The following JCAD variants were observed in gnomAD, a reference collection of about 807,000 sequenced individuals.
The protein encoded by JCAD is junctional cadherin 5 associated.
Under a neutral mutation model 98.0 loss-of-function variants are expected in JCAD, and 40 were observed. The ratio of observed to expected loss-of-function variants is 0.41; its 90% confidence interval spans 0.32 to 0.53. The LOEUF (loss-of-function observed/expected upper bound fraction) is 0.53, where lower values mean the gene tolerates loss of function less well. Among genes scored for constraint, JCAD ranks in the 20% least tolerant of loss-of-function variants. The pLI, the probability that JCAD is intolerant of heterozygous loss-of-function variation, is 0.31. For synonymous variants in JCAD, 691 were observed against 682.3 expected, an observed-to-expected ratio of 1.01 and a Z score of -0.20; for missense variants, 1,705 against 1,738.1, an observed-to-expected ratio of 0.98 and a Z score of 0.34.
At chr10:30,024,567 C>A in intron 3 of JCAD, among the ~76,000 whole-genome samples, 1 of 152,084 alleles carries the variant, frequency 6.6e-6, no homozygotes, top group East Asian at 1.9e-4. Context: ...GAGGATCCAA[C>A]GGGGCCCCGA....
chr10:30,072,881 T>C (rs1837917944), intron 1 of JCAD, among the ~76,000 whole-genome samples: 1 of 152,152 alleles, frequency 6.6e-6, no homozygotes, highest in Non-Finnish European at 1.5e-5. Context: ...CAAACTCCTG[T>C]GCCACCTCGG....
At chr10:30,024,900 T>C (rs535585945) in intron 3 of JCAD, among the ~76,000 whole-genome samples, 1 of 152,034 alleles carries the variant, frequency 6.6e-6, no homozygotes, top group East Asian at 2.0e-4. Context: ...TTTCACCGGG[T>C]TAGCCAGGAT....
At chr10:30,112,890 A>T (rs1838730626) in intron 1 of JCAD, among the ~76,000 whole-genome samples, 1 of 150,074 alleles carries the variant, frequency 6.7e-6, no homozygotes, top group African/African-American at 2.5e-5. Context: ...AAAAAAAAAA[A>T]TCCATAGAGA....
In JCAD at chr10:30,034,222, C is replaced by CAATAATAATAAT. The variant is rs71023540; in HGVS notation, c.282-4368_282-4357dup. Reference sequence around the variant, plus strand: ...TGGGCGACAGAGCAAGACTCCATCTCAATAATAATAATAATAATAATAATA... The same window carrying CAATAATAATAAT: ...TGGGCGACAGAGCAAGACTCCATCTCAATAATAATAATAATAATAATAATAATAATAATAATA... On this transcript the variant is annotated intron_variant, in intron 2 of 3. Coordinates refer to ENST00000375377, the MANE Select transcript of JCAD (RefSeq NM_020848.4). Among the ~76,000 whole-genome samples, 1,123 of 149,318 alleles carry CAATAATAATAAT rather than the reference C, an allele frequency of 7.5e-3. 13 individuals are homozygous for CAATAATAATAAT. Among genetic ancestry groups the CAATAATAATAAT allele is most frequent in the African/African-American group, 0.026 (1,044 of 40,262 alleles).
At chr10:30,053,934 C>T (rs571314928) in intron 1 of JCAD, among the ~76,000 whole-genome samples, 15 of 152,150 alleles carry the variant, frequency 9.9e-5, no homozygotes, top group Admixed American at 5.9e-4. Flanking sequence ...TAGTGGCATG[C>T]GCCTGTAGTC....
intron 1 of JCAD, among the ~76,000 whole-genome samples, chr10:30,048,537 C>T (rs535045041): frequency 6.6e-6 from 1 of 152,212 alleles, no homozygotes; most frequent in Non-Finnish European, 1.5e-5. Context: ...CAATTCACTA[C>T]ACAAGCCCAG....
At chr10:30,069,319 C>T (rs983184963) in intron 2 of JCAD, among the ~76,000 whole-genome samples, 2 of 151,828 alleles carry the variant, frequency 1.3e-5, no homozygotes, top group African/African-American at 4.8e-5. Context: ...CCAGAATGGC[C>T]AGGCACAGTG....
In JCAD at chr10:30,071,816, A is replaced by G. The variant is rs552927727; in HGVS notation, n.129-1995T>C. On this transcript the variant is annotated intron_variant and non_coding_transcript_variant, in intron 1 of 2. Coordinates refer to the JCAD transcript ENST00000465712. Reference sequence around the variant, plus strand: ...TAAAAGTTAAAAGACAAGTTTTTACATGCAGATTTGAAACACTAACTACAT... The same window carrying G: ...TAAAAGTTAAAAGACAAGTTTTTACGTGCAGATTTGAAACACTAACTACAT... 3.2e-3 allele frequency among the ~76,000 whole-genome samples: 482 copies of G among 152,290 alleles called. 6 individuals are homozygous for G. Among genetic ancestry groups the G allele is most frequent in the African/African-American group, 0.011 (458 of 41,564 alleles).
At chr10:30,068,777 G>A (rs1837830721) in intron 2 of JCAD, among the ~76,000 whole-genome samples, 1 of 152,172 alleles carries the variant, frequency 6.6e-6, no homozygotes, top group African/African-American at 2.4e-5. Context: ...TCCCAGCCCT[G>A]AATCAACCCA....
chr10:30,060,574 C>A (rs1348478641), upstream of JCAD, among the ~76,000 whole-genome samples: 1 of 152,214 alleles, frequency 6.6e-6, no homozygotes, highest in Admixed American at 6.5e-5. Context: ...TCCACCCAGA[C>A]AAAACATGGA....
intron 2 of JCAD, among the ~76,000 whole-genome samples, chr10:30,036,465 A>G (rs908058558): frequency 1.3e-5 from 2 of 149,012 alleles, no homozygotes; most frequent in Admixed American, 1.3e-4. Context: ...AAAAAAAAAC[A>G]AAAAAAATGC....
intron 1 of JCAD, among the ~76,000 whole-genome samples, chr10:30,100,057 C>T (rs556700696): frequency 6.6e-6 from 1 of 152,214 alleles, no homozygotes; most frequent in African/African-American, 2.4e-5. Flanking sequence ...GGGAAGGACA[C>T]AGCAGCAGGG....
At position 30,027,567 on chromosome 10, in the gene JCAD, C is replaced by T; in HGVS notation, c.2581G>A (p.Glu861Lys). 3 of 1,613,964 alleles carry T rather than the reference C, an allele frequency of 1.9e-6. No individual in the cohort carries two copies. Among genetic ancestry groups the T allele is most frequent in the Non-Finnish European group, 2.5e-6 (3 of 1,179,966 alleles). ...SSSSSSSSSE[E>K]SEAEPQQENR... ...TCCTGCTGCGGCTCCGCCTCACTCT[C>T]CTCACTGCTGCTGCTGCTGCTGCTG... Residue 861 changes from glutamate to lysine, a missense_variant, in exon 3 of 4, where the codon GAG (glutamate) becomes AAG (lysine). Glu to Lys is a moderately conservative substitution (Grantham distance 56). This residue lies in a region of JCAD where 1,278 missense variants were observed against 1,243.1 expected (regional missense o/e 1.03). Transcript: ENST00000375377.
chr10:30,113,512 C>T (rs1588663674), intron 1 of JCAD, among the ~76,000 whole-genome samples: 1 of 134,668 alleles, frequency 7.4e-6, no homozygotes, highest in East Asian at 2.4e-4. Flanking sequence ...GATCGTGCCA[C>T]TGCACTCCAG....
chr10:30,047,174 C>T (rs1462588748), intron 2 of JCAD, among the ~76,000 whole-genome samples: 1 of 151,994 alleles, frequency 6.6e-6, no homozygotes, highest in Non-Finnish European at 1.5e-5. Context: ...GAGTTCGAGA[C>T]CAGCCTGACT....
intron 2 of JCAD, among the ~76,000 whole-genome samples, chr10:30,036,463 A>AC (rs113908994): frequency 0.038 from 5,696 of 151,012 alleles, 377 homozygotes; most frequent in African/African-American, 0.13. Flanking sequence ...AAAAAAAAAA[A>AC]CAAAAAAAAT....
intron 1 of JCAD, among the ~76,000 whole-genome samples, chr10:30,088,707 C>A (rs1037924382): frequency 5.9e-5 from 9 of 152,124 alleles, no homozygotes; most frequent in Non-Finnish European, 1.0e-4. Context: ...GTGGCTCACA[C>A]CTGTAATTCC....
intron 1 of JCAD, among the ~76,000 whole-genome samples, chr10:30,089,645 A>G (rs1838228843): frequency 6.6e-6 from 1 of 151,970 alleles, no homozygotes; most frequent in African/African-American, 2.4e-5. Flanking sequence ...TCATTAGATA[A>G]TTGCTTCATA....
At chr10:30,080,801 G>A (rs371889838) in intron 1 of JCAD, among the ~76,000 whole-genome samples, 111 of 152,164 alleles carry the variant, frequency 7.3e-4, no homozygotes, top group East Asian at 2.3e-3. Flanking sequence ...ACTGAAGTCC[G>A]GGAGCTATCC....
Sources: gnomAD v4.1 joint callset for allele counts (sites outside exome capture counted in the v4.1 genomes callset) on GRCh38, gnomAD v4.1.1 for gene constraint, gnomAD v4.1.1 regional missense constraint, MANE v1.5 for transcripts, NCBI Gene and HGNC (gene_info 2026-07-23, HGNC 2026-07-21) for gene names.